The following MAPK10 variants were observed in gnomAD, a reference collection of about 807,000 sequenced individuals.
MAPK10 encodes the protein mitogen-activated protein kinase 10.
A neutral mutation model predicts 59.3 loss-of-function variants in MAPK10; 25 were observed. The observed-to-expected ratio is 0.42, with a 90% CI of 0.31 to 0.59. MAPK10 has a LOEUF of 0.59. Ranked by LOEUF, MAPK10 falls within the 20% of genes least tolerant of loss-of-function variation. The pLI, the probability that MAPK10 is intolerant of heterozygous loss-of-function variation, is 0.15. For missense variants in MAPK10, 351 were observed against 568.9 expected, an observed-to-expected ratio of 0.62 and a Z score of 3.90; for synonymous variants, 190 against 200.5, an observed-to-expected ratio of 0.95 and a Z score of 0.44.
At position 86,448,180 on chromosome 4, in the gene MAPK10, T is replaced by C. The variant is rs192648122; in HGVS notation, c.-122+4850A>G. Among the ~76,000 whole-genome samples, 250 of 152,296 alleles carry C rather than the reference T, an allele frequency of 1.6e-3. 4 individuals carry two copies. Among genetic ancestry groups the C allele is most frequent in the African/African-American group, 5.6e-3 (234 of 41,574 alleles). On this transcript the variant is annotated intron_variant, in intron 1 of 13. Coordinates refer to the MAPK10 transcript ENST00000361569. ...CCAATTTTTATTTAACCAACCTGTA[T>C]TAGAGTCTATTTCACAGCTTTCTTT...
intron 1 of MAPK10, among the ~76,000 whole-genome samples, chr4:86,557,452 A>G (rs572317182): frequency 6.6e-6 from 1 of 152,212 alleles, no homozygotes; most frequent in South Asian, 2.1e-4. Context: ...TAAGAAAAGT[A>G]GAACTCTAAG....
At chr4:86,070,203 T>A (rs1044978024) in intron 9 of MAPK10, among the ~76,000 whole-genome samples, 1 of 152,176 alleles carries the variant, frequency 6.6e-6, no homozygotes, top group Non-Finnish European at 1.5e-5. Context: ...GTGTCTTTAT[T>A]TTAACCAATC....
intron 3 of MAPK10, chr4:86,193,959 C>T (rs954116583): frequency 3.8e-5 from 8 of 212,976 alleles, no homozygotes; most frequent in Non-Finnish European, 5.7e-5. Flanking sequence ...TGCACCATTC[C>T]TCATGGCACA....
At position 86,367,662 on chromosome 4, in the gene MAPK10, T is replaced by G. The variant is rs908000636; in HGVS notation, c.-121-13018A>C. Among the ~76,000 whole-genome samples the G allele has an allele frequency of 3.0e-4, 45 of 152,054 alleles. 1 individual carries two copies. Among genetic ancestry groups the G allele is most frequent in the African/African-American group, 1.1e-3 (45 of 41,478 alleles). On this transcript the variant is annotated intron_variant, in intron 1 of 13. Coordinates refer to the MAPK10 transcript ENST00000361569. ...TGTAGCAAGCATTTGTTTTTTTTTT[T>G]GTTTTGTTTTGTTTTTTTTGGTGAA...
chr4:86,292,066 T>C (rs879260068), intron 2 of MAPK10, among the ~76,000 whole-genome samples: 4 of 152,224 alleles, frequency 2.6e-5, no homozygotes, highest in African/African-American at 2.4e-5. Flanking sequence ...ATAGTATTGC[T>C]GATTCTGAAG....
intron 2 of MAPK10, among the ~76,000 whole-genome samples, chr4:86,248,828 G>A (rs2148707042): frequency 6.6e-6 from 1 of 152,242 alleles, no homozygotes; most frequent in South Asian, 2.1e-4. Flanking sequence ...CTGCTGAACT[G>A]CAATCTTATT....
upstream of MAPK10, among the ~76,000 whole-genome samples, chr4:86,364,692 A>C (rs1328720441): frequency 6.6e-6 from 1 of 152,160 alleles, no homozygotes; most frequent in Non-Finnish European, 1.5e-5. Context: ...ATAAAACCAA[A>C]ACTCTTGGTC....
At chr4:86,588,489 G>A (rs957211974) in intron 1 of MAPK10, among the ~76,000 whole-genome samples, 3 of 151,988 alleles carry the variant, frequency 2.0e-5, no homozygotes, top group Non-Finnish European at 4.4e-5. Context: ...ATACTATATG[G>A]CAACTTGATT....
chr4:86,512,243 T>G (rs1295817257), intron 1 of MAPK10, among the ~76,000 whole-genome samples: 3 of 152,214 alleles, frequency 2.0e-5, no homozygotes, highest in Non-Finnish European at 4.4e-5. Flanking sequence ...CCTCCAAAAT[T>G]TGGAAACTCT....
chr4:86,340,893 C>A (rs1479541161), intron 2 of MAPK10, among the ~76,000 whole-genome samples: 1 of 152,174 alleles, frequency 6.6e-6, no homozygotes, highest in Non-Finnish European at 1.5e-5. Context: ...TCATTTTCCA[C>A]CTCTACTAGC....
chr4:86,418,715 G>T (rs897283204), intron 1 of MAPK10, among the ~76,000 whole-genome samples: 24 of 152,152 alleles, frequency 1.6e-4, no homozygotes, highest in Admixed American at 1.6e-3. Context: ...AAAGACACTT[G>T]CACATGCATG....
In MAPK10 at chr4:86,012,198, A is replaced by C. The variant is rs3755970; in HGVS notation, c.*5030T>G. 23,269 of 152,136 alleles carry C rather than the reference A, an allele frequency of 0.15. 1,936 individuals are homozygous for C. Among genetic ancestry groups the C allele is most frequent in the African/African-American group, 0.18 (7,485 of 41,480 alleles). 9.4% of individuals were successfully genotyped at this position (152,136 alleles called of 1,614,324 possible). ...CAACTAGTATCTACAGACAGAAATG[A>C]AGGTCAGTTTTAGAAGAAACCAGTG... On this transcript the variant is annotated 3_prime_UTR_variant, in exon 14 of 14. Transcript: ENST00000641462.
chr4:86,323,160 T>C (rs1343824848), intron 2 of MAPK10, among the ~76,000 whole-genome samples: 2 of 152,132 alleles, frequency 1.3e-5, no homozygotes, highest in Non-Finnish European at 2.9e-5. Context: ...GGTACCTGGG[T>C]GGCAGAGGGA....
In MAPK10 at chr4:86,015,133, G is replaced by T. The variant is rs1200331045; in HGVS notation, c.*2095C>A. The T allele has an allele frequency of 6.6e-6, 1 of 151,974 alleles. No individual in the cohort carries two copies. Among genetic ancestry groups the T allele is most frequent in the Non-Finnish European group, 1.5e-5 (1 of 68,000 alleles). 9.4% of individuals were successfully genotyped at this position (151,974 alleles called of 1,614,324 possible). On this transcript the variant is annotated 3_prime_UTR_variant, in exon 14 of 14. Coordinates refer to ENST00000641462, the MANE Select transcript of MAPK10 (RefSeq NM_138982.4). The stretch of plus-strand genomic sequence containing the variant: ...AAAATGGTAGCAAAATAGAGAAAAT[G>T]GGCCATTTTTATTCCAGGGGACAAG...
Position 86,522,747 on chromosome 4 carries a change from A to T in MAPK10, c.-263+71163T>A, listed in dbSNP as rs191885199. ...GATCTGTGTGAGAAGCTACACATAG[A>T]TCCTCTTTTTCTACCTCTGGGGACT... On this transcript the variant is annotated intron_variant, in intron 1 of 4. Coordinates refer to the MAPK10 transcript ENST00000502302. 2.5e-3 allele frequency among the ~76,000 whole-genome samples: 385 copies of T among 152,156 alleles called. 7 individuals are homozygous for T. The highest frequency in any genetic ancestry group is 2.6e-4 in the Non-Finnish European group (18 of 67,992).
rs184756391 is a variant in MAPK10, at chr4:86,569,451, A to C, written c.-263+24459T>G. 1.3e-3 allele frequency among the ~76,000 whole-genome samples: 198 copies of C among 152,268 alleles called. 1 individual carries two copies. The highest frequency in any genetic ancestry group is 4.5e-3 in the African/African-American group (188 of 41,562). The stretch of plus-strand genomic sequence containing the variant: ...TGATCCAGTAATTCCAGTACTGGGT[A>C]TCTACCCAAAGAAAATTAAATCGTA... On this transcript the variant is annotated intron_variant, in intron 1 of 4. Transcript: ENST00000502302.
intron 2 of MAPK10, among the ~76,000 whole-genome samples, chr4:86,211,993 AAAAG>A (rs1195211473): frequency 6.6e-6 from 1 of 152,162 alleles, no homozygotes; most frequent in African/African-American, 2.4e-5. Flanking sequence ...GTTTTAGTAC[AAAAG>A]AAAGAAAGAA....
intron 4 of MAPK10, among the ~76,000 whole-genome samples, chr4:86,146,220 TC>T (rs1172556486): frequency 1.3e-5 from 2 of 152,194 alleles, no homozygotes; most frequent in African/African-American, 4.8e-5. Context: ...AAGTGCCTAC[TC>T]TGCAAGGAAC....
chr4:86,107,463 C>A, intron 4 of MAPK10, 111 bp from the exon 5 acceptor site: 2 of 1,429,462 alleles, frequency 1.4e-6, no homozygotes, highest in Non-Finnish European at 1.8e-6. Flanking sequence ...ATCTTAGATA[C>A]TGTCTACTCT....
Sources: allele counts gnomAD v4.1 joint callset (sites outside exome capture counted in the v4.1 genomes callset), GRCh38; gene constraint gnomAD v4.1.1; transcripts MANE v1.5; gene names NCBI Gene and HGNC (gene_info 2026-07-23, HGNC 2026-07-21).